CLCNKB: variants seen among roughly 807,000 people sequenced by gnomAD.
CLCNKB encodes the protein chloride voltage-gated channel Kb.
A neutral mutation model predicts 83.8 loss-of-function variants in CLCNKB; 74 were observed. The observed-to-expected ratio is 0.88, with a 90% CI of 0.73 to 1.07. The LOEUF is 1.07. Among genes scored for constraint, CLCNKB ranks in the 50% least tolerant of loss-of-function variants. The probability of loss-of-function intolerance (pLI) is 0.00; values close to 1 mark genes in which losing one functional copy is unlikely to be tolerated. For missense variants in CLCNKB, 798 were observed against 893.6 expected (o/e 0.89, Z 1.36); for synonymous variants, 358 against 356.6 (o/e 1.00, Z -0.04).
rs112905730 is a variant in CLCNKB, at chr1:16,052,441, AG to A, written c.1622+35del. On this transcript the variant is annotated intron_variant, in intron 15 of 19. Transcript: ENST00000375679. ...GTGGTGCCCACCTCAGGCTGACTGA[AG>A]GGGGTCACAGTGTTTGGGAAGGGCT... 0.11 allele frequency: 183,603 copies of A among 1,609,186 alleles called. 11,823 individuals are homozygous for A. The highest frequency in any genetic ancestry group is 0.22 in the African/African-American group (16,787 of 74,764).
chr1:16,049,587 A>G, intron 8 of CLCNKB, 31 bp from the exon 9 acceptor site: 3 of 1,543,574 alleles, frequency 1.9e-6, no homozygotes, highest in Non-Finnish European at 2.7e-6. Context: ...TGGGAGCGCC[A>G]TCTTGGCTCC....
intron 2 of CLCNKB, 48 bp downstream of exon 2, chr1:16,044,640 A>T (rs1049076799): frequency 2.0e-6 from 3 of 1,468,170 alleles, no homozygotes; most frequent in African/African-American, 2.8e-5. Context: ...CACTCAGGAC[A>T]TCATTCCTGC....
At chr1:16,053,810 G>A (rs777986253) in intron 16 of CLCNKB, 38 bp downstream of exon 16, 2 of 1,612,718 alleles carry the variant, frequency 1.2e-6, no homozygotes, top group South Asian at 2.2e-5. Context: ...CGGGGGTAGG[G>A]GATGCCCTCT....
chr1:16,048,802 C>T, intron 7 of CLCNKB: 2 of 1,446,530 alleles, frequency 1.4e-6, no homozygotes, highest in Non-Finnish European at 9.0e-7. Context: ...ATTATACAGA[C>T]TTGGGTTTGA....
In CLCNKB at chr1:16,052,240, C is replaced by A; in HGVS notation, c.1451C>A (p.Thr484Lys). 1 of 1,613,296 alleles carries A rather than the reference C, an allele frequency of 6.2e-7. No individual in the cohort carries two copies. The part of the protein sequence containing the change: ...FSGAVTHTIS[T>K]ALLAFEVTGQ... ...GGGGCTGTGACCCACACCATCTCCA[C>A]GGCGCTGCTGGCCTTCGAGGTGACC... Residue 484 changes from threonine (T) to lysine (K), a missense_variant, in exon 15 of 20, where the codon ACG becomes AAG. Thr to Lys is a moderately conservative substitution (Grantham distance 78, BLOSUM62 -1). Coordinates refer to ENST00000375679, the MANE Select transcript of CLCNKB (RefSeq NM_000085.5).
intron 8 of CLCNKB, 143 bp downstream of exon 8, chr1:16,049,388 GGA>G (rs2023209325): frequency 6.6e-7 from 1 of 1,522,730 alleles, no homozygotes; most frequent in East Asian, 2.4e-5. Flanking sequence ...CCTCCTTCTG[GGA>G]GGATGGAGGG....
intron 11 of CLCNKB, 50 bp downstream of exon 11, chr1:16,050,650 C>A (rs1320403164): frequency 1.3e-6 from 2 of 1,580,478 alleles, no homozygotes; most frequent in African/African-American, 1.3e-5. Flanking sequence ...CTATTTGTTG[C>A]CTCCTTTGCG....
chr1:16,047,279 C>T (rs1439489554), intron 4 of CLCNKB, among the ~76,000 whole-genome samples: 1 of 152,012 alleles, frequency 6.6e-6, no homozygotes, highest in East Asian at 1.9e-4. Context: ...CCTGTCTCTA[C>T]AACAAATAGA....
rs780486234 is a variant in CLCNKB, at chr1:16,051,439, C to T, written c.1228-39C>T. On this transcript the variant is annotated intron_variant, in intron 12 of 19. Transcript: ENST00000375679. The stretch of plus-strand genomic sequence containing the variant: ...CCTCCCTTGTCCACGCCTTGCCCAG[C>T]AGCCTCTAACCTCTGCCCTGGGCTC... 1.6e-5 allele frequency: 25 copies of T among 1,608,654 alleles called. No individual in the cohort carries two copies. The African/African-American group carries it at 2.7e-4, about 17-fold the overall frequency.
intron 19 of CLCNKB, 129 bp from the exon 20 acceptor site, chr1:16,056,740 T>C: frequency 1.0e-6 from 1 of 967,126 alleles, no homozygotes; most frequent in Non-Finnish European, 1.6e-6. Context: ...TGATCCCATC[T>C]GTGCAATGGG....
Position 16,052,407 on chromosome 1 carries a change from A to G in CLCNKB, c.1618A>G (p.Ile540Val), listed in dbSNP as rs1360538221. The G allele has an allele frequency of 6.2e-7, 1 of 1,613,352 alleles. No individual in the cohort carries two copies. Among genetic ancestry groups the G allele is most frequent in the African/African-American group, 1.3e-5 (1 of 74,874 alleles). Residue 540 changes from isoleucine to valine, a missense_variant, in exon 15 of 20, where the codon ATC becomes GTC. Coordinates refer to ENST00000375679, the MANE Select transcript of CLCNKB (RefSeq NM_000085.5). ...CCTGCCACGGATTCTGGGCCGCAACATCGGGTGAGTGGTGCCCACCTCAGG... is the reference window on the plus strand; with the variant it reads ...CCTGCCACGGATTCTGGGCCGCAACGTCGGGTGAGTGGTGCCCACCTCAGG... ...PYLPRILGRN[I>V]GSHRVRVEHF...
At chr1:16,048,955 C>G in intron 7 of CLCNKB, 165 bp from the exon 8 acceptor site, 4 of 1,507,204 alleles carry the variant, frequency 2.7e-6, no homozygotes, top group Non-Finnish European at 3.5e-6. Context: ...CAGCGGGCTC[C>G]TCCCCGCCCA....
intron 8 of CLCNKB, 94 bp from the exon 9 acceptor site, chr1:16,049,524 C>T: frequency 1.5e-6 from 2 of 1,354,680 alleles, no homozygotes; most frequent in East Asian, 2.5e-5. Context: ...GAGTCAGGAC[C>T]TGGCACCCCC....
intron 16 of CLCNKB, among the ~76,000 whole-genome samples, chr1:16,053,984 AAG>A: frequency 6.6e-6 from 1 of 152,190 alleles, no homozygotes; most frequent in South Asian, 2.1e-4. Context: ...GACATGTCTA[AAG>A]AGAGTCGGCC....
chr1:16,047,198 C>T (rs2023127432), intron 4 of CLCNKB, among the ~76,000 whole-genome samples: 1 of 152,132 alleles, frequency 6.6e-6, no homozygotes, highest in East Asian at 1.9e-4. Context: ...AATCCCAGCA[C>T]TTTAGGAGGC....
chr1:16,044,897 G>T (rs1043378189), intron 2 of CLCNKB, among the ~76,000 whole-genome samples: 2 of 152,230 alleles, frequency 1.3e-5, no homozygotes, highest in Admixed American at 1.3e-4. Context: ...GGACGTGGGG[G>T]TTAGCTGCTG....
intron 10 of CLCNKB, 125 bp downstream of exon 10, chr1:16,050,041 A>T (rs2023239677): frequency 6.0e-6 from 1 of 165,556 alleles, no homozygotes; most frequent in African/African-American, 3.8e-5. Context: ...CATGCCCCAC[A>T]TGTGGAGCCC....
chr1:16,055,566 C>A, intron 17 of CLCNKB, 43 bp downstream of exon 17: 1 of 1,511,388 alleles, frequency 6.6e-7, no homozygotes, highest in Non-Finnish European at 9.2e-7. Context: ...GGGGGTGGGT[C>A]AGCAGGAATG....
At position 16,049,849 on chromosome 1, in the gene CLCNKB, T is replaced by C. The variant is rs533395978; in HGVS notation, c.901T>C (p.Phe301Leu). Reference protein sequence around the residue: ...LCGILGSAYLFCQRIFFGFIR... With the variant: ...LCGILGSAYLLCQRIFFGFIR... ...TGGCATCCTGGGCAGCGCTTACCTC[T>C]TCTGTCAGCGAATCTTCTTTGGCTT... is the stretch of plus-strand genomic sequence containing the variant. The change falls in exon 10 of 20, where the codon TTC (phenylalanine) becomes CTC (leucine). Residue 301 changes from phenylalanine (F) to leucine (L), a missense_variant. Transcript: ENST00000375679. 2 of 1,613,844 alleles carry C rather than the reference T, an allele frequency of 1.2e-6. No homozygotes were observed. The highest frequency in any genetic ancestry group is 2.2e-5 in the East Asian group (1 of 44,864).
Sources: gnomAD v4.1 joint callset for allele counts (sites outside exome capture counted in the v4.1 genomes callset) on GRCh38, gnomAD v4.1.1 for gene constraint, MANE v1.5 for transcripts, NCBI Gene and HGNC (gene_info 2026-07-23, HGNC 2026-07-21) for gene names.